The following PRELID2 variants were observed in gnomAD, a reference collection of about 807,000 sequenced individuals.
PRELID2 encodes the protein PRELI domain containing 2, also known as PRELI domain-containing protein 2.
In PRELID2, 25 loss-of-function variants were observed where a neutral mutation model predicts 28.4. The ratio of observed to expected loss-of-function variants is 0.88; its 90% CI spans 0.64 to 1.23. PRELID2 has a LOEUF of 1.23. Among genes scored for constraint, PRELID2 ranks in the 50% most tolerant of loss-of-function variants. The probability of loss-of-function intolerance (pLI) is 0.00; values close to 1 mark genes in which losing one functional copy is unlikely to be tolerated. For missense variants in PRELID2, 201 were observed against 214.4 expected, an observed-to-expected ratio of 0.94 and a Z score of 0.39; for synonymous variants, 76 against 71.6, an observed-to-expected ratio of 1.06 and a Z score of -0.31.
chr5:145,722,505 A>ATTTT (rs79337075), intron 1 of PRELID2, among the ~76,000 whole-genome samples: 5 of 150,306 alleles, frequency 3.3e-5, no homozygotes, highest in African/African-American at 1.2e-4. Flanking sequence ...CAAATTAATA[A>ATTTT]TTTTTTTTTG....
chr5:145,233,455 A>T, the PRELID2 span, among the ~76,000 whole-genome samples: 3 of 152,112 alleles, frequency 2.0e-5, no homozygotes, highest in Non-Finnish European at 2.9e-5. Flanking sequence ...TGATACTGCC[A>T]TGCTGTCATT....
At chr5:145,229,687 AC>A in the PRELID2 span, 1 of 764,424 alleles carries the variant, frequency 1.3e-6, no homozygotes, top group South Asian at 1.3e-5. Context: ...ACCATCCTTT[AC>A]CATGCTCATT....
intron 1 of PRELID2, among the ~76,000 whole-genome samples, chr5:145,722,627 T>A (rs1306474597): frequency 2.6e-5 from 4 of 152,224 alleles, no homozygotes; most frequent in African/African-American, 9.6e-5. Flanking sequence ...GCCTCCTGAG[T>A]AGCTGGGACT....
the PRELID2 span, among the ~76,000 whole-genome samples, chr5:145,347,465 G>C: frequency 1.3e-5 from 2 of 152,098 alleles, no homozygotes; most frequent in Non-Finnish European, 2.9e-5. Flanking sequence ...CTCAAAAATA[G>C]GGCAGATGCT....
the PRELID2 span, among the ~76,000 whole-genome samples, chr5:145,245,925 T>A: frequency 1.3e-5 from 2 of 152,060 alleles, no homozygotes; most frequent in African/African-American, 4.8e-5. Flanking sequence ...TGTTTTTTTT[T>A]AATTATACTG....
chr5:145,542,110 G>A (rs1237767316), intron 1 of PRELID2, among the ~76,000 whole-genome samples: 1 of 152,066 alleles, frequency 6.6e-6, no homozygotes, highest in Non-Finnish European at 1.5e-5. Context: ...CCTGGAAGTA[G>A]TTGTCCCTCT....
At chr5:145,470,260 C>T (rs1752041885), downstream of PRELID2, among the ~76,000 whole-genome samples, 1 of 152,072 alleles carries the variant, frequency 6.6e-6, no homozygotes, top group Non-Finnish European at 1.5e-5. Context: ...AACAAGAGAG[C>T]ATGGCTGTGG....
chr5:145,449,383 G>T, the PRELID2 span, among the ~76,000 whole-genome samples: 467 of 152,168 alleles, frequency 3.1e-3, 1 homozygote, highest in African/African-American at 0.011. Flanking sequence ...TCTTTTCCTG[G>T]AGTTTAGCTG....
chr5:145,327,676 T>C, the PRELID2 span, among the ~76,000 whole-genome samples: 1 of 152,176 alleles, frequency 6.6e-6, no homozygotes, highest in Non-Finnish European at 1.5e-5. Flanking sequence ...AGTTCTTTTC[T>C]TCCTTTATTT....
chr5:145,435,306 G>A, the PRELID2 span, among the ~76,000 whole-genome samples: 5 of 152,148 alleles, frequency 3.3e-5, no homozygotes, highest in Admixed American at 2.6e-4. Flanking sequence ...CACTTGAGCT[G>A]ACTCATAAGG....
the PRELID2 span, among the ~76,000 whole-genome samples, chr5:145,332,376 C>T: frequency 2.0e-5 from 3 of 152,172 alleles, no homozygotes; most frequent in Non-Finnish European, 4.4e-5. Flanking sequence ...AACTTGATTC[C>T]ATTCTTCCCA....
the PRELID2 span, among the ~76,000 whole-genome samples, chr5:145,290,708 C>T: frequency 6.6e-6 from 1 of 151,548 alleles, no homozygotes; most frequent in Non-Finnish European, 1.5e-5. Flanking sequence ...ATGTAACAAA[C>T]CTGCACATTG....
chr5:145,383,485 A>G, the PRELID2 span, among the ~76,000 whole-genome samples: 8 of 151,704 alleles, frequency 5.3e-5, no homozygotes, highest in Non-Finnish European at 3.0e-5. Flanking sequence ...AAATAGATAA[A>G]TATAATAAAA....
intron 1 of PRELID2, among the ~76,000 whole-genome samples, chr5:145,707,588 T>C (rs1368543598): frequency 6.6e-6 from 1 of 152,154 alleles, no homozygotes; most frequent in African/African-American, 2.4e-5. Context: ...ATTGACAATT[T>C]TCTCCTCTCT....
chr5:145,236,537 G>A, the PRELID2 span, among the ~76,000 whole-genome samples: 3 of 152,086 alleles, frequency 2.0e-5, no homozygotes, highest in Non-Finnish European at 2.9e-5. Context: ...TTAGGTCTAC[G>A]ATCTAAGTCT....
At chr5:145,772,860 A>G (rs977548246) in intron 5 of PRELID2, among the ~76,000 whole-genome samples, 16 of 152,252 alleles carry the variant, frequency 1.1e-4, no homozygotes, top group African/African-American at 3.9e-4. Flanking sequence ...ATCTTAATAT[A>G]TGAATCAATA....
In PRELID2 at chr5:145,653,022, C is replaced by G. The variant is rs565193298; in HGVS notation, n.70+111909G>C. 3.9e-5 allele frequency among the ~76,000 whole-genome samples: 6 copies of G among 152,204 alleles called. No individual in the cohort carries two copies. The East Asian group carries it at 1.2e-3, about 29-fold the overall frequency. On this transcript the variant is annotated intron_variant and non_coding_transcript_variant, in intron 1 of 2. Transcript: ENST00000510259. ...AGGAGACCCATCTCACATGCAGAGA[C>G]ACACATAGGCTCAAAATAAAGGGAT...
chr5:145,661,420 ACATGAAGCCT>A (rs1754490570), intron 1 of PRELID2, among the ~76,000 whole-genome samples: 1 of 152,100 alleles, frequency 6.6e-6, no homozygotes, highest in Admixed American at 6.6e-5. Context: ...GACTTTACCC[ACATGAAGCCT>A]CAGTTACAGC....
At chr5:145,616,984 G>A (rs1452268184) in intron 1 of PRELID2, among the ~76,000 whole-genome samples, 1 of 152,070 alleles carries the variant, frequency 6.6e-6, no homozygotes, top group African/African-American at 2.4e-5. Flanking sequence ...CGCTTTCTCA[G>A]GGATGTTCCT....
Sources: allele counts gnomAD v4.1 joint callset (sites outside exome capture counted in the v4.1 genomes callset), GRCh38; gene constraint gnomAD v4.1.1; transcripts MANE v1.5; gene names NCBI Gene and HGNC (gene_info 2026-07-23, HGNC 2026-07-21).